The following C2orf76 variants were observed in gnomAD, a reference collection of about 807,000 sequenced individuals.
C2orf76 encodes UPF0538 protein C2orf76.
In C2orf76, 23 loss-of-function variants were observed where a neutral mutation model predicts 16.9. That is an observed-to-expected ratio of 1.36 (90% confidence interval 0.98 to 1.93). The LOEUF (loss-of-function observed/expected upper bound fraction) is 1.93. Ranked by LOEUF, C2orf76 falls within the 30% of genes most tolerant of loss-of-function variation. C2orf76 has a pLI of 0.00. For synonymous variants in C2orf76, 48 were observed against 52.3 expected (o/e 0.92, Z 0.35); for missense variants, 152 against 152.6 (o/e 1.00, Z 0.02).
intron 2 of C2orf76, among the ~76,000 whole-genome samples, chr2:119,328,313 T>A (rs1439323478): frequency 6.6e-6 from 1 of 152,216 alleles, no homozygotes; most frequent in Non-Finnish European, 1.5e-5. Context: ...GAGTTGTTCA[T>A]GCCGTTTCTT....
intron 1 of C2orf76, among the ~76,000 whole-genome samples, chr2:119,341,044 T>C (rs966441795): frequency 6.6e-6 from 1 of 152,156 alleles, no homozygotes; most frequent in Admixed American, 6.5e-5. Context: ...TTTTCTGCCC[T>C]GGGACGACAG....
the C2orf76 span, among the ~76,000 whole-genome samples, chr2:119,289,416 A>C: frequency 2.6e-5 from 4 of 152,024 alleles, no homozygotes; most frequent in Admixed American, 2.6e-4. Context: ...GGCCGGGCGC[A>C]GTGGCTCACG....
At chr2:119,335,530 T>G (rs1679820979) in intron 2 of C2orf76, among the ~76,000 whole-genome samples, 1 of 152,210 alleles carries the variant, frequency 6.6e-6, no homozygotes, top group Non-Finnish European at 1.5e-5. Context: ...TAGCAAAATC[T>G]GAGCAACAAA....
intron 1 of C2orf76, among the ~76,000 whole-genome samples, chr2:119,363,709 A>G (rs945397459): frequency 6.6e-6 from 1 of 152,214 alleles, no homozygotes; most frequent in Admixed American, 6.5e-5. Context: ...CCTAATGAGC[A>G]AGAAATGCTT....
In C2orf76 at chr2:119,357,475, C is replaced by T. The variant is rs77653237; in HGVS notation, c.-13+9315G>A. On this transcript the variant is annotated intron_variant, in intron 1 of 5. Transcript: ENST00000334816. ...AATCACATGATCACATCAAGTGATA[C>T]AGAAAAGGCACCTGACAAACTTCAA... Among the ~76,000 whole-genome samples, 882 of 151,712 alleles carry T rather than the reference C, an allele frequency of 5.8e-3. 21 individuals are homozygous for T. In the East Asian group the frequency reaches 0.073, roughly 13 times the overall value.
chr2:119,315,946 AAGAT>A (rs1480262793), intron 4 of C2orf76, among the ~76,000 whole-genome samples: 1 of 152,222 alleles, frequency 6.6e-6, no homozygotes, highest in Non-Finnish European at 1.5e-5. Context: ...TGTCTCCACT[AAGAT>A]AAAGGAATAA....
rs1439488595 is a variant in C2orf76, at chr2:119,361,748, T to TG, written c.-13+5041dup. ...ACATATATAGGGTTCAGGCCTCCAT[T>TG]GGGGGGGTCTTGGAATTTAGCCTCT... On this transcript the variant is annotated intron_variant, in intron 1 of 5. Coordinates refer to ENST00000334816, the MANE Select transcript of C2orf76 (RefSeq NM_001322331.2). 2.0e-5 allele frequency among the ~76,000 whole-genome samples: 3 copies of TG among 152,142 alleles called. No homozygotes were observed. The East Asian group carries it at 5.8e-4, about 29-fold the overall frequency.
chr2:119,353,174 T>G (rs1054824236), intron 1 of C2orf76, among the ~76,000 whole-genome samples: 5 of 151,636 alleles, frequency 3.3e-5, no homozygotes, highest in Non-Finnish European at 5.9e-5. Context: ...AAAAAAAAAA[T>G]GTTGTTTAAG....
Position 119,336,498 on chromosome 2 carries a change from G to A in C2orf76, c.133+3329C>T, listed in dbSNP as rs571836388. ...TTATATGACTTAAGGTTTTGATGACGTGATGATGCTCTAGGGCTGTGATTC... is the reference window on the plus strand; with the variant it reads ...TTATATGACTTAAGGTTTTGATGACATGATGATGCTCTAGGGCTGTGATTC... On this transcript the variant is annotated intron_variant, in intron 2 of 5. Coordinates refer to ENST00000334816, the MANE Select transcript of C2orf76 (RefSeq NM_001322331.2). Among the ~76,000 whole-genome samples, 10 of 151,864 alleles carry A rather than the reference G, an allele frequency of 6.6e-5. 1 individual carries two copies. In the South Asian group the frequency reaches 1.5e-3, roughly 22 times the overall value.
At chr2:119,361,700 G>A (rs1222579422) in intron 1 of C2orf76, among the ~76,000 whole-genome samples, 7 of 152,100 alleles carry the variant, frequency 4.6e-5, no homozygotes, top group Admixed American at 2.6e-4. Flanking sequence ...CACAGATATT[G>A]ACAGACAACC....
At chr2:119,282,576 C>G in the C2orf76 span, among the ~76,000 whole-genome samples, 1 of 152,186 alleles carries the variant, frequency 6.6e-6, no homozygotes, top group East Asian at 1.9e-4. Flanking sequence ...CCAAGCCTCC[C>G]GTCCAGCATG....
chr2:119,340,011 C>A, intron 1 of C2orf76, 40 bp from the exon 2 acceptor site: 1 of 1,584,576 alleles, frequency 6.3e-7, no homozygotes, highest in Non-Finnish European at 8.6e-7. Context: ...ATGAAGCCAG[C>A]TCACAGTTGT....
At chr2:119,354,992 C>A (rs1573686315) in intron 1 of C2orf76, among the ~76,000 whole-genome samples, 1 of 152,272 alleles carries the variant, frequency 6.6e-6, no homozygotes, top group Non-Finnish European at 1.5e-5. Context: ...CACCCACTGA[C>A]AAATCAACAT....
At chr2:119,347,043 G>A (rs949308680) in intron 1 of C2orf76, among the ~76,000 whole-genome samples, 1 of 152,184 alleles carries the variant, frequency 6.6e-6, no homozygotes, top group Non-Finnish European at 1.5e-5. Context: ...ATGAGTGTAG[G>A]TGATGATCAT....
the C2orf76 span, among the ~76,000 whole-genome samples, chr2:119,293,764 G>T: frequency 2.0e-5 from 3 of 152,206 alleles, no homozygotes; most frequent in Admixed American, 1.3e-4. Flanking sequence ...TGGCCTGGCT[G>T]TGGGGGTAAA....
intron 1 of C2orf76, among the ~76,000 whole-genome samples, chr2:119,366,006 T>C (rs780796880): frequency 6.6e-6 from 1 of 152,004 alleles, no homozygotes; most frequent in African/African-American, 2.4e-5. Context: ...CCTTTACACT[T>C]GTTCTCTGCT....
Position 119,327,336 on chromosome 2 carries a change from A to ATTTTTT in C2orf76, c.134-6138_134-6133dup, listed in dbSNP as rs34185420. On this transcript the variant is annotated intron_variant, in intron 2 of 5. Coordinates refer to ENST00000334816, the MANE Select transcript of C2orf76 (RefSeq NM_001322331.2). ...ACTATTAATATGATGAATTACATGG[A>ATTTTTT]TTTTTTTTTTTTTTTTTTTTTTTTT... 1.9e-4 allele frequency among the ~76,000 whole-genome samples: 13 copies of ATTTTTT among 68,692 alleles called. 3 individuals are homozygous for ATTTTTT. Among genetic ancestry groups the ATTTTTT allele is most frequent in the Non-Finnish European group, 2.8e-4 (11 of 39,622 alleles). The allele number at this position is 68,692 out of a possible 152,430, so 45.1% of individuals were successfully genotyped here.
At chr2:119,314,641 G>A (rs1387305551) in intron 4 of C2orf76, among the ~76,000 whole-genome samples, 1 of 152,056 alleles carries the variant, frequency 6.6e-6, no homozygotes, top group Non-Finnish European at 1.5e-5. Flanking sequence ...ATATGTTAGA[G>A]CTAATTACTC....
At chr2:119,291,344 TC>T in the C2orf76 span, among the ~76,000 whole-genome samples, 1 of 151,764 alleles carries the variant, frequency 6.6e-6, no homozygotes, top group East Asian at 1.9e-4. Context: ...TTCTACCACC[TC>T]ACTCCACCCC....
Sources: gnomAD v4.1 joint callset for allele counts (sites outside exome capture counted in the v4.1 genomes callset) on GRCh38, gnomAD v4.1.1 for gene constraint, MANE v1.5 for transcripts, NCBI Gene and HGNC (gene_info 2026-07-23, HGNC 2026-07-21) for gene names.